Variants in GRXCR1 observed in about 807,000 individuals in gnomAD.
GRXCR1 encodes glutaredoxin domain-containing cysteine-rich protein 1.
GRXCR1 carries 27 observed loss-of-function variants against 27.3 expected under a neutral mutation model. That is an observed-to-expected ratio of 0.99 (90% confidence interval 0.73 to 1.37). GRXCR1 has a LOEUF of 1.37. GRXCR1 is among the 40% of genes most tolerant of loss of function. The pLI is 0.00. For synonymous variants in GRXCR1, 122 were observed against 131.1 expected, an observed-to-expected ratio of 0.93 and a Z score of 0.47; for missense variants, 379 against 354.4, an observed-to-expected ratio of 1.07 and a Z score of -0.56.
chr4:42,994,302 T>C (rs958465274), intron 2 of GRXCR1, among the ~76,000 whole-genome samples: 2 of 152,154 alleles, frequency 1.3e-5, no homozygotes, highest in Non-Finnish European at 2.9e-5. Context: ...AAGATAATTA[T>C]GAAGTATTGA....
chr4:42,910,131 C>T (rs1037034026), intron 1 of GRXCR1, among the ~76,000 whole-genome samples: 3 of 151,924 alleles, frequency 2.0e-5, no homozygotes, highest in African/African-American at 7.3e-5. Context: ...GAGGAAGTTG[C>T]CAAACACTTA....
In GRXCR1 at chr4:42,946,611, C is replaced by T. The variant is rs375337051; in HGVS notation, c.385-16281C>T. ...GTTCAAGATCACAGTGAGCAGATTG[C>T]TTCCCTGATGAGGGCTTTTTCCTCA... On this transcript the variant is annotated intron_variant, in intron 1 of 3. Coordinates refer to ENST00000399770, the MANE Select transcript of GRXCR1 (RefSeq NM_001080476.3). Among the ~76,000 whole-genome samples, 5 of 152,268 alleles carry T rather than the reference C, an allele frequency of 3.3e-5. No homozygotes were observed. The East Asian group carries it at 9.7e-4, about 29-fold the overall frequency.
At chr4:42,918,713 C>T (rs1220673495) in intron 1 of GRXCR1, among the ~76,000 whole-genome samples, 2 of 152,204 alleles carry the variant, frequency 1.3e-5, no homozygotes, top group East Asian at 1.9e-4. Context: ...TTAACTCACA[C>T]GAATAAAACT....
intron 2 of GRXCR1, among the ~76,000 whole-genome samples, chr4:43,011,063 C>A (rs182229971): frequency 1.2e-3 from 186 of 152,276 alleles, no homozygotes; most frequent in Non-Finnish European, 2.0e-3. Context: ...CCCAACACAT[C>A]CTCTTACCTA....
chr4:42,918,318 T>G (rs1270938294), intron 1 of GRXCR1, among the ~76,000 whole-genome samples: 1 of 152,118 alleles, frequency 6.6e-6, no homozygotes, highest in Admixed American at 6.6e-5. Flanking sequence ...ACACCTCCCA[T>G]GAGGCCACTC....
At chr4:42,970,625 C>T (rs1030408939) in intron 2 of GRXCR1, among the ~76,000 whole-genome samples, 17 of 152,124 alleles carry the variant, frequency 1.1e-4, no homozygotes, top group African/African-American at 3.9e-4. Flanking sequence ...AGCAACATGT[C>T]CCAAGGCTGT....
intron 2 of GRXCR1, among the ~76,000 whole-genome samples, chr4:43,013,366 G>T (rs1712821178): frequency 6.6e-6 from 1 of 152,126 alleles, no homozygotes; most frequent in African/African-American, 2.4e-5. Flanking sequence ...TATCATAAGT[G>T]AATTAATGCA....
intron 1 of GRXCR1, among the ~76,000 whole-genome samples, chr4:42,960,865 G>A (rs1007583288): frequency 2.0e-5 from 3 of 151,734 alleles, no homozygotes; most frequent in African/African-American, 7.3e-5. Context: ...TTTAAGTTCT[G>A]GGGAACATGT....
chr4:42,987,873 GAACTC>G (rs1711831976), intron 2 of GRXCR1, among the ~76,000 whole-genome samples: 2 of 152,296 alleles, frequency 1.3e-5, no homozygotes, highest in East Asian at 1.9e-4. Context: ...CTATGACACA[GAACTC>G]AACTCAAAGC....
chr4:42,894,479 C>G (rs889393310), intron 1 of GRXCR1, among the ~76,000 whole-genome samples: 1 of 151,930 alleles, frequency 6.6e-6, no homozygotes, highest in Admixed American at 6.6e-5. Context: ...CAATATTTTT[C>G]ATTGTAATTC....
At chr4:42,893,687 C>T in intron 1 of GRXCR1, 37 bp downstream of exon 1, 2 of 1,597,860 alleles carry the variant, frequency 1.3e-6, no homozygotes, top group Admixed American at 1.7e-5. Context: ...GCTCTTTGTT[C>T]CTAACTCACC....
chr4:43,020,447 T>A, intron 3 of GRXCR1, 28 bp downstream of exon 3: 1 of 1,410,844 alleles, frequency 7.1e-7, no homozygotes, highest in African/African-American at 1.4e-5. Context: ...AACTTAGTTT[T>A]AGTAATCAAA....
chr4:42,976,879 T>A (rs1417531201), intron 2 of GRXCR1, among the ~76,000 whole-genome samples: 1 of 151,986 alleles, frequency 6.6e-6, no homozygotes, highest in Non-Finnish European at 1.5e-5. Flanking sequence ...TTAACTCTAG[T>A]CCTCCAATAG....
At chr4:42,977,002 A>G (rs978584855) in intron 2 of GRXCR1, among the ~76,000 whole-genome samples, 3 of 152,014 alleles carry the variant, frequency 2.0e-5, no homozygotes, top group African/African-American at 7.2e-5. Flanking sequence ...GGTAACCACC[A>G]TTCTACTCTC....
Position 42,932,577 on chromosome 4 carries a change from C to CATAT in GRXCR1, c.385-30275_385-30272dup, listed in dbSNP as rs3072802. On this transcript the variant is annotated intron_variant, in intron 1 of 3. Transcript: ENST00000399770. The stretch of plus-strand genomic sequence containing the variant: ...TGAGTGTTTCTCTTAAACTCCCTTC[C>CATAT]ATATATATATATATATATATATATA... Among the ~76,000 whole-genome samples the CATAT allele has an allele frequency of 1.6e-3, 46 of 28,662 alleles. 1 individual carries two copies. Among genetic ancestry groups the CATAT allele is most frequent in the Non-Finnish European group, 1.7e-3 (29 of 16,792 alleles). 18.8% of individuals were successfully genotyped at this position (28,662 alleles called of 152,430 possible).
intron 2 of GRXCR1, among the ~76,000 whole-genome samples, chr4:42,974,778 G>T (rs1184122896): frequency 1.3e-5 from 2 of 152,060 alleles, no homozygotes; most frequent in African/African-American, 2.4e-5. Flanking sequence ...GGGATCTTGG[G>T]GCTGTGGCAT....
Position 42,994,596 on chromosome 4 carries a change from A to G in GRXCR1, c.628-25758A>G, listed in dbSNP as rs1577936669. On this transcript the variant is annotated intron_variant, in intron 2 of 3. Transcript: ENST00000399770. Reference sequence around the variant, plus strand: ...TTTCTGTCATAATTTAGTGAAAGAAACAAACCTTACTAATCATGCTAATAA... The same window carrying G: ...TTTCTGTCATAATTTAGTGAAAGAAGCAAACCTTACTAATCATGCTAATAA... 3.3e-5 allele frequency among the ~76,000 whole-genome samples: 5 copies of G among 152,192 alleles called. No individual in the cohort carries two copies. In the South Asian group the frequency reaches 1.0e-3, roughly 31 times the overall value.
At chr4:42,893,751 C>T in intron 1 of GRXCR1, 101 bp downstream of exon 1, 4 of 1,096,896 alleles carry the variant, frequency 3.6e-6, no homozygotes, top group Non-Finnish European at 2.8e-6. Flanking sequence ...ATTTGCAACT[C>T]CTACATGCTT....
intron 2 of GRXCR1, among the ~76,000 whole-genome samples, chr4:42,987,474 G>C (rs28601739): frequency 0.014 from 2,173 of 151,306 alleles, 54 homozygotes; most frequent in African/African-American, 0.05. Flanking sequence ...TAGAGACGGG[G>C]GTCTCACTAT....
Sources: gnomAD v4.1 joint callset for allele counts (sites outside exome capture counted in the v4.1 genomes callset) on GRCh38, gnomAD v4.1.1 for gene constraint, MANE v1.5 for transcripts, NCBI Gene and HGNC (gene_info 2026-07-23, HGNC 2026-07-21) for gene names.